GNB1: variants seen among roughly 807,000 people sequenced by gnomAD.
GNB1 encodes the protein guanine nucleotide-binding protein G(I)/G(S)/G(T) subunit beta-1.
Under a neutral mutation model 42.9 loss-of-function variants are expected in GNB1, and 2 were observed. The ratio of observed to expected loss-of-function variants is 0.05; its 90% CI spans 0.02 to 0.15. The LOEUF is 0.15. Among genes scored for constraint, GNB1 ranks in the 10% least tolerant of loss-of-function variants. The pLI is 1.00. For missense variants in GNB1, 193 were observed against 462.2 expected (o/e 0.42, Z 5.34); for synonymous variants, 183 against 174.7 (o/e 1.05, Z -0.38).
intron 7 of GNB1, among the ~76,000 whole-genome samples, chr1:1,798,521 T>C (rs1343982157): frequency 6.6e-6 from 1 of 152,236 alleles, no homozygotes; most frequent in Admixed American, 6.5e-5. Context: ...TAGGCTGGAC[T>C]TCTGATCAAT....
At chr1:1,860,293 A>T (rs892106218) in intron 1 of GNB1, among the ~76,000 whole-genome samples, 7 of 152,162 alleles carry the variant, frequency 4.6e-5, no homozygotes, top group African/African-American at 7.2e-5. Context: ...GGCATGATAG[A>T]GGGTGGCAAG....
At chr1:1,799,243 ATGTG>A (rs1178878287) in intron 7 of GNB1, among the ~76,000 whole-genome samples, 3 of 152,166 alleles carry the variant, frequency 2.0e-5, no homozygotes, top group African/African-American at 4.8e-5. Flanking sequence ...AAGAGGCCAA[ATGTG>A]TGTGTGTGTT....
At chr1:1,835,048 T>C (rs556643830) in intron 2 of GNB1, among the ~76,000 whole-genome samples, 1 of 152,278 alleles carries the variant, frequency 6.6e-6, no homozygotes, top group Non-Finnish European at 1.5e-5. Flanking sequence ...TGCACTCCAG[T>C]ATATAAAAAT....
At chr1:1,859,045 CAG>C (rs1340702964) in intron 1 of GNB1, among the ~76,000 whole-genome samples, 1 of 147,464 alleles carries the variant, frequency 6.8e-6, no homozygotes, top group African/African-American at 2.5e-5. Context: ...TTTTTGGAGG[CAG>C]AGTTTCACTT....
intron 1 of GNB1, among the ~76,000 whole-genome samples, chr1:1,878,382 G>T (rs539603161): frequency 6.6e-6 from 1 of 152,132 alleles, no homozygotes; most frequent in Non-Finnish European, 1.5e-5. Flanking sequence ...TATGCCAAGC[G>T]GGGATTAACC....
At chr1:1,838,200 C>T (rs1359070286) in intron 2 of GNB1, among the ~76,000 whole-genome samples, 1 of 151,754 alleles carries the variant, frequency 6.6e-6, no homozygotes, top group Middle Eastern at 3.2e-3. Flanking sequence ...AAGACTCTGT[C>T]TCAAAAGAAA....
Position 1,834,437 on chromosome 1 carries a change from C to G in GNB1, c.-47+4753G>C, listed in dbSNP as rs1045816787. Among the ~76,000 whole-genome samples the G allele has an allele frequency of 2.6e-5, 4 of 152,260 alleles. No individual in the cohort carries two copies. In the East Asian group the frequency reaches 7.7e-4, roughly 29 times the overall value. Reference sequence around the variant, plus strand: ...TTGCTTTTAGGGCGGAGCACAAAATCTAGCACATACTAGGACAATTGGAAA... The same window carrying G: ...TTGCTTTTAGGGCGGAGCACAAAATGTAGCACATACTAGGACAATTGGAAA... On this transcript the variant is annotated intron_variant, in intron 2 of 11. Transcript: ENST00000378609.
chr1:1,884,323 C>A (rs1005670218), intron 1 of GNB1, among the ~76,000 whole-genome samples: 1 of 151,954 alleles, frequency 6.6e-6, no homozygotes, highest in Admixed American at 6.6e-5. Context: ...CTGATCCACC[C>A]TCCTCGGCCT....
At chr1:1,830,802 C>G (rs1647065371) in intron 2 of GNB1, among the ~76,000 whole-genome samples, 1 of 151,952 alleles carries the variant, frequency 6.6e-6, no homozygotes, top group Non-Finnish European at 1.5e-5. Flanking sequence ...CTGCCAAGGC[C>G]TCCCAAAGCG....
intron 2 of GNB1, among the ~76,000 whole-genome samples, chr1:1,830,517 G>A (rs1331619402): frequency 6.6e-6 from 1 of 151,982 alleles, no homozygotes; most frequent in Non-Finnish European, 1.5e-5. Context: ...CCGAAGTGCT[G>A]GGATTACAAG....
At chr1:1,838,905 C>T (rs1217314128) in intron 2 of GNB1, among the ~76,000 whole-genome samples, 2 of 152,094 alleles carry the variant, frequency 1.3e-5, no homozygotes, top group Non-Finnish European at 2.9e-5. Context: ...TTTTGAGGAT[C>T]AAATTGTTTT....
At chr1:1,877,312 A>T (rs188365300) in intron 1 of GNB1, among the ~76,000 whole-genome samples, 18,985 of 138,176 alleles carry the variant, frequency 0.14, 1,311 homozygotes, top group Middle Eastern at 0.17. Context: ...AAAAAAAAAA[A>T]AAAAATATAT....
chr1:1,847,608 G>A (rs996942570), intron 1 of GNB1, among the ~76,000 whole-genome samples: 9 of 152,194 alleles, frequency 5.9e-5, no homozygotes, highest in African/African-American at 2.2e-4. Context: ...GTTTAAGTCT[G>A]GAAGGATTAT....
chr1:1,828,859 T>C (rs1402329893), intron 2 of GNB1, among the ~76,000 whole-genome samples: 2 of 151,460 alleles, frequency 1.3e-5, no homozygotes, highest in African/African-American at 4.9e-5. Flanking sequence ...CTGGGCAATA[T>C]GGCAAAACGC....
At chr1:1,833,092 C>G (rs1018131687) in intron 2 of GNB1, among the ~76,000 whole-genome samples, 4 of 152,110 alleles carry the variant, frequency 2.6e-5, no homozygotes, top group African/African-American at 9.7e-5. Context: ...ACCTGGTCAC[C>G]AGCTAGCCGC....
intron 7 of GNB1, among the ~76,000 whole-genome samples, chr1:1,794,417 C>T (rs918367091): frequency 1.3e-5 from 2 of 152,206 alleles, no homozygotes; most frequent in African/African-American, 4.8e-5. Context: ...AGCATAGGGT[C>T]AACAAACCAG....
intron 7 of GNB1, among the ~76,000 whole-genome samples, chr1:1,795,031 T>C (rs1646527965): frequency 6.6e-6 from 1 of 152,200 alleles, no homozygotes; most frequent in African/African-American, 2.4e-5. Flanking sequence ...AAAATATGCA[T>C]AGATGACAGA....
chr1:1,851,173 G>T (rs1331155819), intron 1 of GNB1, among the ~76,000 whole-genome samples: 4 of 152,224 alleles, frequency 2.6e-5, no homozygotes, highest in Admixed American at 2.6e-4. Flanking sequence ...CACTTTGGGA[G>T]GCCGAGACGT....
At chr1:1,842,903 T>C (rs759170762) in intron 1 of GNB1, among the ~76,000 whole-genome samples, 1 of 152,220 alleles carries the variant, frequency 6.6e-6, no homozygotes, top group Non-Finnish European at 1.5e-5. Context: ...CAGGGTCCTA[T>C]GAGCATACCC....
Sources: allele counts gnomAD v4.1 joint callset (sites outside exome capture counted in the v4.1 genomes callset), GRCh38; gene constraint gnomAD v4.1.1; transcripts MANE v1.5; gene names NCBI Gene and HGNC (gene_info 2026-07-23, HGNC 2026-07-21).